Variants in RIMS2 observed in about 807,000 individuals in gnomAD.
RIMS2 encodes regulating synaptic membrane exocytosis protein 2.
A neutral mutation model predicts 174.4 loss-of-function variants in RIMS2; 59 were observed. The ratio of observed to expected loss-of-function variants is 0.34; its 90% CI spans 0.27 to 0.42. RIMS2 has a LOEUF of 0.42. RIMS2 is among the 10% of genes least tolerant of loss of function. The probability of loss-of-function intolerance (pLI) is 1.00; values close to 1 mark genes in which losing one functional copy is unlikely to be tolerated. For synonymous variants in RIMS2, 606 were observed against 572.5 expected (o/e 1.06, Z -0.84); for missense variants, 1,620 against 1,666.3 (o/e 0.97, Z 0.48).
intron 19 of RIMS2, among the ~76,000 whole-genome samples, chr8:104,196,530 G>T (rs1242115009): frequency 6.6e-6 from 1 of 151,906 alleles, no homozygotes; most frequent in Admixed American, 6.6e-5. Context: ...GTGAAAACTA[G>T]AAAACTAAGA....
chr8:103,623,746 C>G (rs1288591719), intron 1 of RIMS2, among the ~76,000 whole-genome samples: 2 of 151,790 alleles, frequency 1.3e-5, no homozygotes, highest in African/African-American at 4.8e-5. Context: ...GCTTCGGCCT[C>G]CCAAAGTGCT....
rs368622624 is a variant in RIMS2, at chr8:103,933,415, G to A, written c.2375+2022G>A. 5.3e-5 allele frequency among the ~76,000 whole-genome samples: 8 copies of A among 152,182 alleles called. No individual in the cohort carries two copies. The East Asian group carries it at 1.5e-3, about 29-fold the overall frequency. On this transcript the variant is annotated intron_variant, in intron 12 of 23. Transcript: ENST00000504942. ...ACAGGAGAATTGCTTTAACCTGCGA[G>A]GCATAAGTTGCAGTGAGCTGAGATT...
chr8:103,690,884 G>A (rs558817446), intron 1 of RIMS2, among the ~76,000 whole-genome samples: 91 of 152,230 alleles, frequency 6.0e-4, no homozygotes, highest in African/African-American at 2.1e-3. Context: ...CTTGTTGGCA[G>A]GTCTGATGTT....
chr8:103,915,393 G>A (rs895927867), intron 6 of RIMS2, 102 bp from the exon 10 acceptor site: 25 of 555,694 alleles, frequency 4.5e-5, no homozygotes, highest in Admixed American at 9.2e-5. Context: ...TTAAATTAGC[G>A]TTTTAGGTGT....
At chr8:103,780,982 C>G (rs1399057644) in intron 3 of RIMS2, among the ~76,000 whole-genome samples, 2 of 151,866 alleles carry the variant, frequency 1.3e-5, no homozygotes, top group African/African-American at 2.4e-5. Flanking sequence ...GTTTGCCTGG[C>G]TGTAGTAAAT....
chr8:103,927,538 T>G (rs1271471902), intron 10 of RIMS2, among the ~76,000 whole-genome samples: 1 of 151,574 alleles, frequency 6.6e-6, no homozygotes, highest in Non-Finnish European at 1.5e-5. Flanking sequence ...AATCATTCTT[T>G]CAAAGTACAT....
chr8:103,959,268 GCA>G (rs2088887948), intron 14 of RIMS2, among the ~76,000 whole-genome samples: 1 of 151,998 alleles, frequency 6.6e-6, no homozygotes, highest in African/African-American at 2.4e-5. Flanking sequence ...TCTCAAAAAT[GCA>G]CACACAGACA....
At chr8:104,220,580 C>T (rs1033499973) in intron 19 of RIMS2, among the ~76,000 whole-genome samples, 1 of 151,882 alleles carries the variant, frequency 6.6e-6, no homozygotes, top group Non-Finnish European at 1.5e-5. Context: ...CATGCATCCC[C>T]AGCCAATTTA....
intron 19 of RIMS2, among the ~76,000 whole-genome samples, chr8:104,034,843 T>A (rs2096482771): frequency 6.6e-6 from 1 of 152,194 alleles, no homozygotes; most frequent in Non-Finnish European, 1.5e-5. Context: ...ATTTATCATA[T>A]TAATAATTTT....
At chr8:104,194,579 T>C (rs1164050465) in intron 19 of RIMS2, among the ~76,000 whole-genome samples, 1 of 152,186 alleles carries the variant, frequency 6.6e-6, no homozygotes, top group Non-Finnish European at 1.5e-5. Context: ...CAGTCACTCA[T>C]TAGCAAAAAT....
intron 3 of RIMS2, among the ~76,000 whole-genome samples, chr8:103,837,445 C>T (rs1479232017): frequency 6.6e-6 from 1 of 152,186 alleles, no homozygotes; most frequent in African/African-American, 2.4e-5. Context: ...CATATGTATA[C>T]ATGTGCCATG....
intron 19 of RIMS2, among the ~76,000 whole-genome samples, chr8:104,128,470 G>T (rs1002433677): frequency 6.6e-6 from 1 of 152,194 alleles, no homozygotes; most frequent in African/African-American, 2.4e-5. Context: ...GCCGAGGTGG[G>T]TGGATCACCT....
intron 1 of RIMS2, among the ~76,000 whole-genome samples, chr8:103,542,036 G>T (rs1189287676): frequency 6.6e-6 from 1 of 151,844 alleles, no homozygotes; most frequent in African/African-American, 2.4e-5. Context: ...AGGAACAAAA[G>T]ATCCACAAAA....
chr8:104,192,149 T>C (rs553351887), intron 19 of RIMS2, among the ~76,000 whole-genome samples: 1 of 152,326 alleles, frequency 6.6e-6, no homozygotes, highest in South Asian at 2.1e-4. Flanking sequence ...CATTTATAAA[T>C]TCCAGTAGGA....
intron 12 of RIMS2, among the ~76,000 whole-genome samples, chr8:103,933,669 T>C (rs1261948234): frequency 2.6e-5 from 4 of 152,176 alleles, no homozygotes; most frequent in Non-Finnish European, 5.9e-5. Flanking sequence ...GAAGATTCTT[T>C]AGATAAATTT....
intron 19 of RIMS2, among the ~76,000 whole-genome samples, chr8:104,173,920 G>GATTGATTT (rs1554577000): frequency 7.2e-6 from 1 of 138,966 alleles, no homozygotes; most frequent in Non-Finnish European, 1.5e-5. Context: ...AATGTTAAAG[G>GATTGATTT]ATTTATTTAT....
chr8:103,826,933 C>T (rs1202392364), intron 3 of RIMS2, among the ~76,000 whole-genome samples: 1 of 151,844 alleles, frequency 6.6e-6, no homozygotes, highest in Non-Finnish European at 1.5e-5. Flanking sequence ...GCCTTGGCCT[C>T]CCGAAGCACT....
chr8:103,907,895 G>A lies in RIMS2; in HGVS notation c.1625-2239G>A, dbSNP rs62527109. Among the ~76,000 whole-genome samples the A allele has an allele frequency of 4.1e-3, 595 of 145,204 alleles. 14 individuals carry two copies. Among genetic ancestry groups the A allele is most frequent in the Non-Finnish European group, 4.8e-3 (318 of 66,298 alleles). On this transcript the variant is annotated intron_variant, in intron 4 of 23. Coordinates refer to ENST00000504942, the Ensembl canonical transcript of RIMS2. ...TGAATAGCTGGGACTACATGCACCCGCCACCATGCCCGGCTAACTTTTTGT... is the reference window on the plus strand; with the variant it reads ...TGAATAGCTGGGACTACATGCACCCACCACCATGCCCGGCTAACTTTTTGT...
intron 1 of RIMS2, among the ~76,000 whole-genome samples, chr8:103,633,160 G>A (rs937035392): frequency 1.7e-4 from 25 of 151,132 alleles, no homozygotes; most frequent in Non-Finnish European, 2.2e-4. Context: ...CTGAGTAGCC[G>A]GGACTACAGG....
Sources: gnomAD v4.1 joint callset for allele counts (sites outside exome capture counted in the v4.1 genomes callset) on GRCh38, gnomAD v4.1.1 for gene constraint, MANE v1.5 for transcripts, NCBI Gene and HGNC (gene_info 2026-07-23, HGNC 2026-07-21) for gene names.